Variants in SLC6A11 observed in about 807,000 individuals in gnomAD.
The protein encoded by SLC6A11 is sodium- and chloride-dependent GABA transporter 3.
In SLC6A11, 25 loss-of-function variants were observed where a neutral mutation model predicts 74.8. The ratio of observed to expected loss-of-function variants is 0.33; its 90% CI spans 0.24 to 0.47. The LOEUF is 0.47. Among genes scored for constraint, SLC6A11 ranks in the 20% least tolerant of loss-of-function variants. The probability of loss-of-function intolerance (pLI) is 1.00; values close to 1 mark genes in which losing one functional copy is unlikely to be tolerated. For missense variants in SLC6A11, 574 were observed against 837.0 expected (o/e 0.69, Z 3.88); for synonymous variants, 330 against 330.2 (o/e 1.00, Z 0.01).
At chr3:10,859,198 C>T (rs753424873) in intron 5 of SLC6A11, among the ~76,000 whole-genome samples, 1 of 152,158 alleles carries the variant, frequency 6.6e-6, no homozygotes, top group Non-Finnish European at 1.5e-5. Flanking sequence ...GAGATAGTGA[C>T]AACTTTGAGG....
chr3:10,906,942 C>T (rs1460680977), intron 6 of SLC6A11, among the ~76,000 whole-genome samples: 2 of 152,158 alleles, frequency 1.3e-5, no homozygotes, highest in Non-Finnish European at 2.9e-5. Flanking sequence ...AAAATCCTCT[C>T]CTAAGAGTAC....
intron 6 of SLC6A11, among the ~76,000 whole-genome samples, chr3:10,889,236 C>A (rs984982876): frequency 4.6e-5 from 7 of 152,100 alleles, no homozygotes; most frequent in Non-Finnish European, 1.0e-4. Context: ...TTGGGTGATA[C>A]ATTTGCTATA....
At chr3:10,846,876 CT>C (rs1479997957) in intron 5 of SLC6A11, among the ~76,000 whole-genome samples, 1 of 152,196 alleles carries the variant, frequency 6.6e-6, no homozygotes, top group East Asian at 1.9e-4. Flanking sequence ...CCCCAGGCTA[CT>C]CCCTCCTTGC....
chr3:10,926,182 C>CT lies in SLC6A11; in HGVS notation c.1233+66_1233+67insT. 1 of 1,063,112 alleles carries CT rather than the reference C, an allele frequency of 9.4e-7. No individual in the cohort carries two copies. Among genetic ancestry groups the CT allele is most frequent in the Non-Finnish European group, 1.4e-6 (1 of 711,302 alleles). 65.9% of individuals were successfully genotyped at this position (1,063,112 alleles called of 1,614,324 possible). On this transcript the variant is annotated intron_variant, in intron 9 of 13. Transcript: ENST00000254488. This position sits in a 1 kb window ranked among gnomAD's most constrained non-coding sequence, Gnocchi z 5.7. Reference sequence around the variant, plus strand: ...GCCTGGGCCAGGAGGCCAGACGCCACCCTTAGGAGTGGCTCCCCAGGCCCA... The same window carrying CT: ...GCCTGGGCCAGGAGGCCAGACGCCACTCCTTAGGAGTGGCTCCCCAGGCCCA...
intron 5 of SLC6A11, among the ~76,000 whole-genome samples, chr3:10,870,157 C>T (rs985958893): frequency 3.9e-5 from 6 of 152,180 alleles, no homozygotes; most frequent in Admixed American, 3.9e-4. Flanking sequence ...TGGATCCCTT[C>T]CCGGAGACCC....
rs1167942343 is a variant in SLC6A11, at chr3:10,816,666, G to A, written c.256+145G>A. 56 of 889,930 alleles carry A rather than the reference G, an allele frequency of 6.3e-5. No homozygotes were observed. Among genetic ancestry groups the A allele is most frequent in the South Asian group, 1.9e-4 (9 of 46,374 alleles). The allele number at this position is 889,930 out of a possible 1,614,324, so 55.1% of individuals were successfully genotyped here. On this transcript the variant is annotated intron_variant, in intron 1 of 13. Transcript: ENST00000254488. This position sits in a 1 kb window ranked among gnomAD's most constrained non-coding sequence, Gnocchi z 4.2. Reference sequence around the variant, plus strand: ...TCGACTCCAGGCACCTCGCGTGTGAGCTCGCCCCGGAGCGCGGCCCACCTG... The same window carrying A: ...TCGACTCCAGGCACCTCGCGTGTGAACTCGCCCCGGAGCGCGGCCCACCTG...
chr3:10,850,237 A>G (rs1025652456), intron 5 of SLC6A11, among the ~76,000 whole-genome samples: 4 of 152,236 alleles, frequency 2.6e-5, no homozygotes, highest in South Asian at 2.1e-4. Context: ...GATGGTTTTC[A>G]GTAGAGAGCT....
chr3:10,867,095 A>AC (rs1307186439), intron 5 of SLC6A11, among the ~76,000 whole-genome samples: 1 of 152,216 alleles, frequency 6.6e-6, no homozygotes, highest in African/African-American at 2.4e-5. Context: ...GGGCAGATGC[A>AC]CCTGAGAGAT....
Position 10,816,632 on chromosome 3 carries a change from C to T in SLC6A11, c.256+111C>T, listed in dbSNP as rs1041501748. 8.6e-7 allele frequency: 1 copy of T among 1,159,962 alleles called. No individual in the cohort carries two copies. Among genetic ancestry groups the T allele is most frequent in the Non-Finnish European group, 1.2e-6 (1 of 858,996 alleles). 71.9% of individuals were successfully genotyped at this position (1,159,962 alleles called of 1,614,324 possible). On this transcript the variant is annotated intron_variant, in intron 1 of 13. Transcript: ENST00000254488. This position sits in a 1 kb window ranked among gnomAD's most constrained non-coding sequence, Gnocchi z 4.2. Reference sequence around the variant, plus strand: ...GCGCCTGCGTGGAGCGGAACCCGAGCGGAGAACCTCGACTCCAGGCACCTC... The same window carrying T: ...GCGCCTGCGTGGAGCGGAACCCGAGTGGAGAACCTCGACTCCAGGCACCTC...
intron 6 of SLC6A11, among the ~76,000 whole-genome samples, chr3:10,902,694 T>C (rs571750486): frequency 6.6e-6 from 1 of 152,328 alleles, no homozygotes; most frequent in South Asian, 2.1e-4. Flanking sequence ...TTCATTAAGC[T>C]CCTGCAAGGC....
At chr3:10,854,163 G>A (rs748560645) in intron 5 of SLC6A11, among the ~76,000 whole-genome samples, 19 of 152,160 alleles carry the variant, frequency 1.2e-4, no homozygotes, top group Admixed American at 4.6e-4. Flanking sequence ...TGAGGCAGGC[G>A]GATCACCTGA....
chr3:10,865,657 A>G (rs911470554), intron 5 of SLC6A11, among the ~76,000 whole-genome samples: 8 of 152,206 alleles, frequency 5.3e-5, no homozygotes, highest in African/African-American at 1.9e-4. Flanking sequence ...GTGAGATTCT[A>G]TCTCAAAAAC....
chr3:10,911,010 C>T (rs1187786076), intron 6 of SLC6A11, among the ~76,000 whole-genome samples: 2 of 151,946 alleles, frequency 1.3e-5, no homozygotes, highest in Non-Finnish European at 2.9e-5. Context: ...TTAGTACAGA[C>T]AGGGTTTCGC....
At chr3:10,870,576 A>G (rs1047821020) in intron 5 of SLC6A11, among the ~76,000 whole-genome samples, 2 of 152,242 alleles carry the variant, frequency 1.3e-5, no homozygotes, top group Non-Finnish European at 2.9e-5. Flanking sequence ...GGTTTTGACA[A>G]TGCACAGCTG....
rs909388188 is a variant in SLC6A11 at position 10,915,446 on chromosome 3, A to G, written c.996-2883A>G. 6.6e-6 allele frequency among the ~76,000 whole-genome samples: 1 copy of G among 152,200 alleles called. No individual in the cohort carries two copies. Among genetic ancestry groups the G allele is most frequent in the Non-Finnish European group, 1.5e-5 (1 of 68,046 alleles). On this transcript the variant is annotated intron_variant, in intron 7 of 13. Transcript: ENST00000254488. This position sits in a 1 kb window ranked among gnomAD's most constrained non-coding sequence, Gnocchi z 4.3. ...AATTGTTCTGCAAGTGGGTCTTCTCAACTCCAGTGGAGTAAATTAGTACCC... is the reference window on the plus strand; with the variant it reads ...AATTGTTCTGCAAGTGGGTCTTCTCGACTCCAGTGGAGTAAATTAGTACCC...
Position 10,926,401 on chromosome 3 carries a change from A to G in SLC6A11, c.1233+285A>G, listed in dbSNP as rs1271260683. 2.6e-5 allele frequency among the ~76,000 whole-genome samples: 4 copies of G among 152,140 alleles called. No individual in the cohort carries two copies. Reference sequence around the variant, plus strand: ...TACCGGAATTCCCAACTCTCAATTCACATTTAGAAAAATTTGCTAAATACT... The same window carrying G: ...TACCGGAATTCCCAACTCTCAATTCGCATTTAGAAAAATTTGCTAAATACT... On this transcript the variant is annotated intron_variant, in intron 9 of 13. Coordinates refer to ENST00000254488, the MANE Select transcript of SLC6A11 (RefSeq NM_014229.3). The surrounding 1 kb of genome is among the most constrained non-coding windows in gnomAD (Gnocchi z 5.7).
At chr3:10,877,415 C>T (rs1173174715) in intron 6 of SLC6A11, among the ~76,000 whole-genome samples, 5 of 152,188 alleles carry the variant, frequency 3.3e-5, no homozygotes, top group East Asian at 1.9e-4. Context: ...CTGCCTGGAG[C>T]GGGTATGCAG....
intron 4 of SLC6A11, among the ~76,000 whole-genome samples, chr3:10,842,750 A>G (rs1299183900): frequency 6.6e-6 from 1 of 152,068 alleles, no homozygotes; most frequent in East Asian, 1.9e-4. Context: ...ATTTAAGTGG[A>G]TGTTCCCACT....
intron 4 of SLC6A11, among the ~76,000 whole-genome samples, chr3:10,828,243 A>G (rs1694242288): frequency 1.3e-5 from 2 of 152,198 alleles, no homozygotes; most frequent in Admixed American, 6.5e-5. Context: ...CTGTGTATAC[A>G]ATCAAAACTG....
Sources: gnomAD v4.1 joint callset for allele counts (sites outside exome capture counted in the v4.1 genomes callset) on GRCh38, gnomAD v4.1.1 for gene constraint, Gnocchi (gnomAD v3.1) non-coding constraint, MANE v1.5 for transcripts, NCBI Gene and HGNC (gene_info 2026-07-23, HGNC 2026-07-21) for gene names.